Variants in CRB1 observed in about 807,000 individuals in gnomAD.
CRB1 encodes the protein crumbs cell polarity complex component 1.
CRB1 carries 83 observed loss-of-function variants against 120.0 expected under a neutral mutation model. That is an observed-to-expected ratio of 0.69 (90% CI 0.58 to 0.83). The LOEUF (loss-of-function observed/expected upper bound fraction) is 0.83. Ranked by LOEUF, CRB1 falls within the 40% of genes least tolerant of loss-of-function variation. CRB1 has a pLI of 0.00. For synonymous variants in CRB1, 625 were observed against 612.5 expected (o/e 1.02, Z -0.30); for missense variants, 1,699 against 1,687.6 (o/e 1.01, Z -0.12).
chr1:197,260,193 G>T, the CRB1 span, among the ~76,000 whole-genome samples: 1 of 39,444 alleles, frequency 2.5e-5, no homozygotes, highest in African/African-American at 1.3e-4. Context: ...GGAAGAAGAG[G>T]AAGAGGAAGA....
chr1:197,376,302 A>G (rs1365648263), intron 5 of CRB1, among the ~76,000 whole-genome samples: 1 of 152,168 alleles, frequency 6.6e-6, no homozygotes, highest in Non-Finnish European at 1.5e-5. Flanking sequence ...TAACTTTTGT[A>G]TTTAGATAGC....
chr1:197,411,081 C>T (rs970567200), intron 5 of CRB1, among the ~76,000 whole-genome samples: 1 of 152,202 alleles, frequency 6.6e-6, no homozygotes, highest in Non-Finnish European at 1.5e-5. Context: ...ATCTGCTTTT[C>T]TCCTGGTTAA....
intron 11 of CRB1, among the ~76,000 whole-genome samples, chr1:197,449,613 G>A (rs952132974): frequency 6.6e-6 from 1 of 152,170 alleles, no homozygotes; most frequent in South Asian, 2.1e-4. Context: ...TGATCCGCCC[G>A]CCTCGGCCTC....
chr1:197,277,131 A>T (rs576311935), intron 1 of CRB1, among the ~76,000 whole-genome samples: 1 of 151,982 alleles, frequency 6.6e-6, no homozygotes, highest in Admixed American at 6.6e-5. Context: ...GTCCTAAATA[A>T]TAAAAGTTTT....
the CRB1 span, among the ~76,000 whole-genome samples, chr1:197,217,991 G>T: frequency 6.6e-6 from 1 of 152,298 alleles, no homozygotes; most frequent in African/African-American, 2.4e-5. Flanking sequence ...AACAGAGGTT[G>T]TCTCTGTGTA....
chr1:197,304,694 T>C (rs1239843834), intron 1 of CRB1, among the ~76,000 whole-genome samples: 4 of 152,254 alleles, frequency 2.6e-5, no homozygotes, highest in Non-Finnish European at 2.9e-5. Context: ...GGAAATCATT[T>C]TCCTCTTTTG....
At chr1:197,285,281 A>G (rs567560753) in intron 1 of CRB1, among the ~76,000 whole-genome samples, 2 of 152,012 alleles carry the variant, frequency 1.3e-5, no homozygotes, top group African/African-American at 2.4e-5. Flanking sequence ...ATAAATAACC[A>G]TGAATTTGGG....
At chr1:197,337,475 A>G (rs1035005958) in intron 2 of CRB1, among the ~76,000 whole-genome samples, 5 of 152,208 alleles carry the variant, frequency 3.3e-5, no homozygotes, top group African/African-American at 1.2e-4. Context: ...TTCCTCATTC[A>G]AAGATTGGCA....
intron 1 of CRB1, among the ~76,000 whole-genome samples, chr1:197,318,301 C>T (rs1284627638): frequency 2.0e-5 from 3 of 152,092 alleles, no homozygotes; most frequent in African/African-American, 7.2e-5. Flanking sequence ...AAATTTTCAC[C>T]TCATTCCAAT....
intron 1 of CRB1, among the ~76,000 whole-genome samples, chr1:197,327,125 A>AAAAAAAAAAC: frequency 6.7e-6 from 1 of 148,656 alleles, no homozygotes; most frequent in Non-Finnish European, 1.5e-5. Context: ...AAAAAAAAAA[A>AAAAAAAAAAC]AAAAAAACAG....
At chr1:197,275,466 C>G (rs1164529695) in intron 1 of CRB1, among the ~76,000 whole-genome samples, 3 of 151,866 alleles carry the variant, frequency 2.0e-5, no homozygotes, top group Non-Finnish European at 2.9e-5. Flanking sequence ...GACATTATAT[C>G]GATATCCTTG....
intron 1 of CRB1, among the ~76,000 whole-genome samples, chr1:197,324,514 G>A (rs2125296647): frequency 6.6e-6 from 1 of 152,170 alleles, no homozygotes; most frequent in East Asian, 1.9e-4. Flanking sequence ...TAAGAACAAG[G>A]ATGATTGATA....
Position 197,344,353 on chromosome 1 carries a change from CTCTGG to C in CRB1, c.726_730del (p.Leu243GlyfsTer16). On this transcript the variant is annotated frameshift_variant, in exon 3 of 12. Coordinates refer to ENST00000367400, the MANE Select transcript of CRB1 (RefSeq NM_201253.3). LOFTEE classifies it high-confidence loss of function. ...TTAAATGGTGCAACTTGTCAGGATG[CTCTGG>C]GGGCCTATTTCTGCGACTGTGCCCC... 1 of 1,614,104 alleles carries C rather than the reference CTCTGG, an allele frequency of 6.2e-7. No homozygotes were observed. The highest frequency in any genetic ancestry group is 8.5e-7 in the Non-Finnish European group (1 of 1,179,978).
chr1:197,359,028 G>A (rs944912825), intron 5 of CRB1, among the ~76,000 whole-genome samples: 1 of 152,034 alleles, frequency 6.6e-6, no homozygotes, highest in African/African-American at 2.4e-5. Context: ...TCTATATTTT[G>A]TTTTTAAATA....
In CRB1 at chr1:197,343,708, A is replaced by G. The variant is rs902480443; in HGVS notation, c.653-573A>G. Among the ~76,000 whole-genome samples the G allele has an allele frequency of 8.5e-5, 13 of 152,228 alleles. 1 individual carries two copies. In the South Asian group the frequency reaches 2.7e-3, roughly 32 times the overall value. The stretch of plus-strand genomic sequence containing the variant: ...GTTTTTTCTCTAGCAAATACTTAGT[A>G]TGTATCAGGTACTGCTATAAGTACT... On this transcript the variant is annotated intron_variant, in intron 2 of 11. Coordinates refer to ENST00000367400, the MANE Select transcript of CRB1 (RefSeq NM_201253.3).
rs2125489110 is a variant in CRB1, at chr1:197,429,576, A to G, written c.2804A>G (p.His935Arg). 2.5e-6 allele frequency: 4 copies of G among 1,613,972 alleles called. No individual in the cohort carries two copies. Among genetic ancestry groups the G allele is most frequent in the Non-Finnish European group, 3.4e-6 (4 of 1,179,940 alleles). ...VQWCGFSPCPHGAQCQPVLQG... is the reference protein window; with the variant it reads ...VQWCGFSPCPRGAQCQPVLQG... ...TGGTGTGGATTCAGCCCGTGTCCTC[A>G]CGGAGCCCAGTGCCAGCCGGTGCTT... Residue 935 changes from histidine (H) to arginine (R), a missense_variant, in exon 8 of 12, where the codon CAC becomes CGC. Transcript: ENST00000367400.
intron 1 of CRB1, 110 bp from the exon 2 acceptor site, chr1:197,328,312 A>G (rs889615715): frequency 9.9e-6 from 8 of 808,428 alleles, no homozygotes; most frequent in Middle Eastern, 3.6e-4. Context: ...GAACCCAACT[A>G]TGTATTTTAT....
At chr1:197,458,365 T>C (rs963618801) in intron 11 of CRB1, among the ~76,000 whole-genome samples, 1 of 152,094 alleles carries the variant, frequency 6.6e-6, no homozygotes, top group African/African-American at 2.4e-5. Flanking sequence ...TTATCTTTTT[T>C]TTTACAAATC....
intron 1 of CRB1, among the ~76,000 whole-genome samples, chr1:197,325,329 C>A (rs146423530): frequency 2.0e-5 from 3 of 152,152 alleles, no homozygotes; most frequent in Non-Finnish European, 4.4e-5. Flanking sequence ...AGTTCTATCT[C>A]CAGTAGCATT....
Sources: gnomAD v4.1 joint callset for allele counts (sites outside exome capture counted in the v4.1 genomes callset) on GRCh38, gnomAD v4.1.1 for gene constraint, MANE v1.5 for transcripts, NCBI Gene and HGNC (gene_info 2026-07-23, HGNC 2026-07-21) for gene names.